KLHL11: variants seen among roughly 807,000 people sequenced by gnomAD.
KLHL11 encodes kelch like family member 11.
In KLHL11, 26 loss-of-function variants were observed where a neutral mutation model predicts 56.1. That is an observed-to-expected ratio of 0.46 (90% CI 0.34 to 0.64). KLHL11 has a LOEUF of 0.64. KLHL11 is among the 30% of genes least tolerant of loss of function. KLHL11 has a pLI of 0.01. For synonymous variants in KLHL11, 338 were observed against 345.8 expected, an observed-to-expected ratio of 0.98 and a Z score of 0.25; for missense variants, 627 against 919.4, an observed-to-expected ratio of 0.68 and a Z score of 4.11.
chr17:41,853,817 G>C lies in KLHL11; in HGVS notation c.2050C>G (p.Arg684Gly). 6.2e-7 allele frequency: 1 copy of C among 1,614,084 alleles called. No individual in the cohort carries two copies. The highest frequency in any genetic ancestry group is 8.5e-7 in the Non-Finnish European group (1 of 1,179,994). Residue 684 changes from arginine (R) to glycine (G), a missense_variant, in exon 2 of 2, where the codon CGC becomes GGC. Arg to Gly is a moderately radical substitution (Grantham distance 125). Coordinates refer to ENST00000319121, the MANE Select transcript of KLHL11 (RefSeq NM_018143.3). ...MPQNLMWQKD[R>G]IRQMQEIHRH... ...TGTATCTCTTGCATCTGTCTGATGCGGTCCTTCTGCCACATCAGGTTTTGA... is the reference window on the plus strand; with the variant it reads ...TGTATCTCTTGCATCTGTCTGATGCCGTCCTTCTGCCACATCAGGTTTTGA...
In KLHL11 at chr17:41,851,148, T is replaced by C. The variant is rs1555621976; in HGVS notation, c.*2592A>G. 6.6e-6 allele frequency: 1 copy of C among 152,186 alleles called. No individual in the cohort carries two copies. The highest frequency in any genetic ancestry group is 1.9e-4 in the East Asian group (1 of 5,200). 9.4% of individuals were successfully genotyped at this position (152,186 alleles called of 1,614,324 possible). A position where few individuals can be genotyped will look rare whatever the true frequency, so the allele number is the denominator to read the frequency against. ...CAGGATAAATCATTGGACAGGTGGC[T>C]CTTTGGGAGGCCAAGGTGGGAGGAT... On this transcript the variant is annotated 3_prime_UTR_variant, in exon 2 of 2. Transcript: ENST00000319121.
chr17:41,852,890 A>G lies in KLHL11; in HGVS notation c.*850T>C, dbSNP rs2048340162. On this transcript the variant is annotated 3_prime_UTR_variant, in exon 2 of 2. Transcript: ENST00000319121. ...GTCGATTGTCATAGGCATTATTTAC[A>G]CTCATTAACATATCCTCAAATAATC... Among the ~76,000 whole-genome samples, 1 of 152,170 alleles carries G rather than the reference A, an allele frequency of 6.6e-6. No homozygotes were observed. The highest frequency in any genetic ancestry group is 2.1e-4 in the South Asian group (1 of 4,834).
At chr17:41,864,729 G>A (rs1305348804) in intron 1 of KLHL11, 97 bp downstream of exon 1, 2 of 1,253,070 alleles carry the variant, frequency 1.6e-6, no homozygotes, top group East Asian at 2.9e-5. Context: ...CTCAGGACTC[G>A]CGAGCTGCCG....
Position 41,853,701 on chromosome 17 carries a change from A to G in KLHL11, c.*39T>C, listed in dbSNP as rs782117531. 6.4e-7 allele frequency: 1 copy of G among 1,553,906 alleles called. No homozygotes were observed. Among genetic ancestry groups the G allele is most frequent in the Non-Finnish European group, 8.7e-7 (1 of 1,149,560 alleles). ...AGCCTGGGTATCTTCAGCTTCACGA[A>G]ACGGGTGTAACAGTTTTAATCGGCA... On this transcript the variant is annotated 3_prime_UTR_variant, in exon 2 of 2. Coordinates refer to ENST00000319121, the MANE Select transcript of KLHL11 (RefSeq NM_018143.3).
intron 1 of KLHL11, 24 bp from the exon 2 acceptor site, chr17:41,855,345 GATTA>G (rs1425313603): frequency 1.1e-5 from 17 of 1,492,558 alleles, no homozygotes; most frequent in African/African-American, 4.2e-5. Context: ...AAAGAGAAAA[GATTA>G]ATTTTTCAAA....
chr17:41,852,277 A>C lies in KLHL11; in HGVS notation c.*1463T>G, dbSNP rs372011743. Among the ~76,000 whole-genome samples, 82 of 152,038 alleles carry C rather than the reference A, an allele frequency of 5.4e-4. No individual in the cohort carries two copies. The South Asian group carries it at 0.011, about 20-fold the overall frequency. ...AAATCTGCCCACCTCAGCCTCCTCC[A>C]AAGTGTTGGGATTACAGTCATGAGC... On this transcript the variant is annotated 3_prime_UTR_variant, in exon 2 of 2. Transcript: ENST00000319121.
In KLHL11 at chr17:41,854,624, T is replaced by C. The variant is rs782586354; in HGVS notation, c.1243A>G (p.Met415Val). ...ACAGTTTTAGCAAACCCTGGCTCCA[T>C]TGATCCAGCAACATACACGTAGGAT... ...TESYVYVAGS[M>V]EPGFAKTVER... Residue 415 changes from methionine to valine, a missense_variant, in exon 2 of 2, where the codon ATG becomes GTG. Transcript: ENST00000319121. This position sits in a 1 kb window ranked among gnomAD's most constrained non-coding sequence, Gnocchi z 4.9. 25 of 1,614,096 alleles carry C rather than the reference T, an allele frequency of 1.5e-5. No homozygotes were observed. Among genetic ancestry groups the C allele is most frequent in the Non-Finnish European group, 1.9e-5 (23 of 1,180,038 alleles).
Position 41,848,682 on chromosome 17 carries a change from T to C in KLHL11, c.*5058A>G, listed in dbSNP as rs1246547857. ...AGTTAAGGGGAGATAGTGAAGATTA[T>C]ATTTTCAGTAGAGTAGGGACCTGGA... On this transcript the variant is annotated 3_prime_UTR_variant, in exon 2 of 2. Coordinates refer to ENST00000319121, the MANE Select transcript of KLHL11 (RefSeq NM_018143.3). 6 of 179,358 alleles carry C rather than the reference T, an allele frequency of 3.3e-5. No homozygotes were observed. Among genetic ancestry groups the C allele is most frequent in the African/African-American group, 1.4e-4 (6 of 41,918 alleles). 11.1% of individuals were successfully genotyped at this position (179,358 alleles called of 1,614,324 possible). A position where few individuals can be genotyped will look rare whatever the true frequency, so the allele number is the denominator to read the frequency against.
chr17:41,854,863 T>C lies in KLHL11; in HGVS notation c.1004A>G (p.Asn335Ser). Residue 335 changes from asparagine (N) to serine (S), a missense_variant, in exon 2 of 2, where the codon AAT (asparagine) becomes AGT (serine). Around this residue, in one of 4 missense-constraint regions of KLHL11, gnomAD observed 106 missense variants for 227.0 expected, o/e 0.47. Coordinates refer to ENST00000319121, the MANE Select transcript of KLHL11 (RefSeq NM_018143.3). The surrounding 1 kb of genome is among the most constrained non-coding windows in gnomAD (Gnocchi z 4.9). ...GTGCTGGCATGTGCCAGATTGTATA[T>C]TCTCAGCTCTCAGAGCATGTCTCTC... ...AVERHALRAE[N>S]IQSGTCQHPT... The C allele has an allele frequency of 6.2e-7, 1 of 1,614,224 alleles. No individual in the cohort carries two copies. Among genetic ancestry groups the C allele is most frequent in the Non-Finnish European group, 8.5e-7 (1 of 1,180,042 alleles).
chr17:41,861,459 G>A (rs1284309797), intron 1 of KLHL11, among the ~76,000 whole-genome samples: 1 of 151,928 alleles, frequency 6.6e-6, no homozygotes, highest in Non-Finnish European at 1.5e-5. Context: ...CAGCACTTTG[G>A]GAGGCCAAGG....
intron 1 of KLHL11, among the ~76,000 whole-genome samples, chr17:41,863,952 T>C (rs782513133): frequency 1.3e-5 from 2 of 152,218 alleles, no homozygotes; most frequent in Non-Finnish European, 2.9e-5. Flanking sequence ...TCCAACAGGC[T>C]ATACATTTTA....
At chr17:41,859,514 G>A (rs1453084210) in intron 1 of KLHL11, among the ~76,000 whole-genome samples, 3 of 151,902 alleles carry the variant, frequency 2.0e-5, no homozygotes, top group African/African-American at 7.3e-5. Flanking sequence ...GCAGTAAGCC[G>A]AGATCATGCC....
chr17:41,864,789 G>A (rs1597952289), intron 1 of KLHL11, 37 bp downstream of exon 1: 1 of 1,475,970 alleles, frequency 6.8e-7, no homozygotes, highest in Non-Finnish European at 9.0e-7. Context: ...CCCTCTCCGC[G>A]CCCGCCGCCC....
At position 41,853,739 on chromosome 17, in the gene KLHL11, C is replaced by A. The variant is rs1022561115; in HGVS notation, c.*1G>T. ...GTTTTAATCGGCACGCTTGAGAGAA[C>A]CTAGCATTCAATCTGAGAGCTTGGC... On this transcript the variant is annotated 3_prime_UTR_variant, in exon 2 of 2. Coordinates refer to ENST00000319121, the MANE Select transcript of KLHL11 (RefSeq NM_018143.3). 1 of 1,605,358 alleles carries A rather than the reference C, an allele frequency of 6.2e-7. No individual in the cohort carries two copies. The highest frequency in any genetic ancestry group is 8.5e-7 in the Non-Finnish European group (1 of 1,173,756).
chr17:41,852,109 GGCTCT>G lies in KLHL11; in HGVS notation c.*1626_*1630del, dbSNP rs1249908240. Reference sequence around the variant, plus strand: ...GCTCATTTCAGCCTCAACCTTCCCAGGCTCTGGTGATCCTCCCACCTTGGCTTCAA... The same window carrying G: ...GCTCATTTCAGCCTCAACCTTCCCAGGGTGATCCTCCCACCTTGGCTTCAA... On this transcript the variant is annotated 3_prime_UTR_variant, in exon 2 of 2. Coordinates refer to ENST00000319121, the MANE Select transcript of KLHL11 (RefSeq NM_018143.3). Among the ~76,000 whole-genome samples the G allele has an allele frequency of 6.6e-6, 1 of 152,004 alleles. No individual in the cohort carries two copies. The highest frequency in any genetic ancestry group is 1.5e-5 in the Non-Finnish European group (1 of 68,010).
In KLHL11 at chr17:41,854,720, C is replaced by G; in HGVS notation, c.1147G>C (p.Asp383His). ...YLSECVGYFVDEDRWVNLPHI... is the reference protein window; with the variant it reads ...YLSECVGYFVHEDRWVNLPHI... Reference sequence around the variant, plus strand: ...GGCAGATTTACCCATCTGTCCTCATCAACAAAGTATCCCACACATTCACTT... The same window carrying G: ...GGCAGATTTACCCATCTGTCCTCATGAACAAAGTATCCCACACATTCACTT... The change falls in exon 2 of 2, where the codon GAT (aspartate) becomes CAT (histidine). Residue 383 changes from aspartate to histidine, a missense_variant. Asp to His is a moderately conservative substitution (Grantham distance 81, BLOSUM62 -1). Around this residue, in one of 4 missense-constraint regions of KLHL11, gnomAD observed 106 missense variants for 227.0 expected, o/e 0.47. Transcript: ENST00000319121. The surrounding 1 kb of genome is among the most constrained non-coding windows in gnomAD (Gnocchi z 4.9). 6.2e-7 allele frequency: 1 copy of G among 1,614,156 alleles called. No homozygotes were observed. The highest frequency in any genetic ancestry group is 8.5e-7 in the Non-Finnish European group (1 of 1,180,034).
At position 41,865,357 on chromosome 17, in the gene KLHL11, G is replaced by A. The variant is rs536475990; in HGVS notation, c.14C>T (p.Ala5Val). Residue 5 changes from alanine (A) to valine (V), a missense_variant, in exon 1 of 2, where the codon GCA (alanine) becomes GTA (valine). Coordinates refer to ENST00000319121, the MANE Select transcript of KLHL11 (RefSeq NM_018143.3). MAAA[A>V]VAAAAAAAAA... ...GGCCGCCGCCGCCGCCGCCGCCACT[G>A]CCGCAGCCGCCATCTTGACGCCGCT... 4.2e-6 allele frequency: 6 copies of A among 1,439,396 alleles called. No homozygotes were observed. The highest frequency in any genetic ancestry group is 6.0e-5 in the Admixed American group (2 of 33,500). 89.2% of individuals were successfully genotyped at this position (1,439,396 alleles called of 1,614,324 possible). A position where few individuals can be genotyped will look rare whatever the true frequency, so the allele number is the denominator to read the frequency against.
rs1555621878 is a variant in KLHL11 at position 41,849,638 on chromosome 17, C to T, written c.*4102G>A. On this transcript the variant is annotated 3_prime_UTR_variant, in exon 2 of 2. Coordinates refer to ENST00000319121, the MANE Select transcript of KLHL11 (RefSeq NM_018143.3). ...ATAAAACCGGGTGATCAAAACAAAA[C>T]TTATGTCATGAATTTTAAGAGTTTT... 1 of 152,120 alleles carries T rather than the reference C, an allele frequency of 6.6e-6. No individual in the cohort carries two copies. The highest frequency in any genetic ancestry group is 1.5e-5 in the Non-Finnish European group (1 of 67,996). 9.4% of individuals were successfully genotyped at this position (152,120 alleles called of 1,614,324 possible). A position where few individuals can be genotyped will look rare whatever the true frequency, so the allele number is the denominator to read the frequency against.
chr17:41,854,719 T>A lies in KLHL11; in HGVS notation c.1148A>T (p.Asp383Val), dbSNP rs782193160. 6.2e-7 allele frequency: 1 copy of A among 1,614,054 alleles called. No individual in the cohort carries two copies. The highest frequency in any genetic ancestry group is 1.3e-5 in the African/African-American group (1 of 74,936). Residue 383 changes from aspartate (D) to valine (V), a missense_variant, in exon 2 of 2, where the codon GAT becomes GTT. By Grantham distance (152) the Asp-to-Val change is radical. Transcript: ENST00000319121. This position sits in a 1 kb window ranked among gnomAD's most constrained non-coding sequence, Gnocchi z 4.9. ...TGGCAGATTTACCCATCTGTCCTCA[T>A]CAACAAAGTATCCCACACATTCACT... is the stretch of plus-strand genomic sequence containing the variant. ...YLSECVGYFV[D>V]EDRWVNLPHI...
Sources: gnomAD v4.1 joint callset for allele counts (sites outside exome capture counted in the v4.1 genomes callset) on GRCh38, gnomAD v4.1.1 for gene constraint, gnomAD v4.1.1 regional missense constraint, Gnocchi (gnomAD v3.1) non-coding constraint, MANE v1.5 for transcripts, NCBI Gene and HGNC (gene_info 2026-07-23, HGNC 2026-07-21) for gene names.